The following ADRA1A variants were observed in gnomAD, a reference collection of about 807,000 sequenced individuals.
The protein encoded by ADRA1A is adrenoceptor alpha 1A.
In ADRA1A, 31 loss-of-function variants were observed where a neutral mutation model predicts 29.6. The ratio of observed to expected loss-of-function variants is 1.05; its 90% CI spans 0.79 to 1.41. The LOEUF (loss-of-function observed/expected upper bound fraction) is 1.41, where lower values mean the gene tolerates loss of function less well. Among genes scored for constraint, ADRA1A ranks in the 40% most tolerant of loss-of-function variants. ADRA1A has a pLI of 0.00. For synonymous variants in ADRA1A, 311 were observed against 254.3 expected (o/e 1.22, Z -2.12); for missense variants, 619 against 601.1 (o/e 1.03, Z -0.31).
At chr8:26,774,211 G>A (rs563740044) in intron 2 of ADRA1A, among the ~76,000 whole-genome samples, 1 of 152,266 alleles carries the variant, frequency 6.6e-6, no homozygotes, top group East Asian at 1.9e-4. Context: ...TTCCACCAGG[G>A]GCAGGTTGCA....
In ADRA1A at chr8:26,750,358, T is replaced by G. The variant is rs751759424; in HGVS notation, c.1270-1610A>C. Among the ~76,000 whole-genome samples the G allele has an allele frequency of 3.4e-4, 51 of 152,200 alleles. No homozygotes were observed. The Middle Eastern group carries it at 0.01, about 30-fold the overall frequency. On this transcript the variant is annotated intron_variant, in intron 2 of 2. Coordinates refer to the ADRA1A transcript ENST00000380586. ...CTGGGACTACAGACATGTGCCACCATGCCCAACTAATTTTTGTATTTTTAG... is the reference window on the plus strand; with the variant it reads ...CTGGGACTACAGACATGTGCCACCAGGCCCAACTAATTTTTGTATTTTTAG...
intron 2 of ADRA1A, among the ~76,000 whole-genome samples, chr8:26,847,697 C>T (rs1425581289): frequency 6.6e-6 from 1 of 152,200 alleles, no homozygotes; most frequent in Non-Finnish European, 1.5e-5. Flanking sequence ...AGTATAATGA[C>T]AGCTCATGTG....
downstream of ADRA1A, among the ~76,000 whole-genome samples, chr8:26,751,819 G>A (rs1804935872): frequency 6.6e-6 from 1 of 152,204 alleles, no homozygotes. Flanking sequence ...GTCCAATGAG[G>A]AAGCTTCTAT....
At chr8:26,812,617 T>A (rs974067647) in intron 2 of ADRA1A, among the ~76,000 whole-genome samples, 25 of 144,502 alleles carry the variant, frequency 1.7e-4, no homozygotes, top group Non-Finnish European at 3.3e-4. Context: ...AAAAAGGGAG[T>A]TGCCTTTTTA....
At chr8:26,834,685 G>A (rs915287899) in intron 2 of ADRA1A, among the ~76,000 whole-genome samples, 14 of 152,120 alleles carry the variant, frequency 9.2e-5, no homozygotes, top group Non-Finnish European at 1.5e-4. Context: ...CTTCACTTTG[G>A]ACCTGTATTC....
Position 26,768,950 on chromosome 8 carries a change from C to A in ADRA1A, c.*1199G>T. On this transcript the variant is annotated 3_prime_UTR_variant, in exon 3 of 3. Coordinates refer to ENST00000380573, the MANE Select transcript of ADRA1A (RefSeq NM_000680.4). ...TTTACCAGAACAAATGGCCTTCTAT[C>A]AAAAAATGTTTGCAAACTCCTGCGT... is the stretch of plus-strand genomic sequence containing the variant. The A allele has an allele frequency of 1.0e-6, 1 of 985,398 alleles. No homozygotes were observed. The highest frequency in any genetic ancestry group is 1.2e-6 in the Non-Finnish European group (1 of 829,916). The allele number at this position is 985,398 out of a possible 1,614,324, so 61.0% of individuals were successfully genotyped here. A position where few individuals can be genotyped will look rare whatever the true frequency, so the allele number is the denominator to read the frequency against.
At position 26,864,371 on chromosome 8, in the gene ADRA1A, A is replaced by C. The variant is rs2229125; in HGVS notation, c.599T>G (p.Ile200Ser). The stretch of plus-strand genomic sequence containing the variant: ...GTAGACGCGGCAGTACATGACCAGG[A>C]TGATGGCCAGAGGCAGGTAGAAGGA... ...LGSFYLPLAIILVMYCRVYVV... is the reference protein window; with the variant it reads ...LGSFYLPLAISLVMYCRVYVV... Residue 200 changes from isoleucine to serine, a missense_variant, in exon 2 of 3, where the codon ATC becomes AGC. Ile to Ser is a moderately radical substitution (Grantham distance 142). Transcript: ENST00000380573. This position sits in a 1 kb window ranked among gnomAD's most constrained non-coding sequence, Gnocchi z 8.1. 0.025 allele frequency: 39,740 copies of C among 1,613,918 alleles called. 563 individuals are homozygous for C. Among genetic ancestry groups the C allele is most frequent in the Admixed American group, 0.056 (3,365 of 60,000 alleles).
intron 2 of ADRA1A, among the ~76,000 whole-genome samples, chr8:26,800,956 T>C (rs1487153389): frequency 4.6e-5 from 7 of 152,190 alleles, no homozygotes; most frequent in African/African-American, 2.4e-5. Flanking sequence ...ATTCTAGGGA[T>C]GCAAGGATGG....
rs1425073525 is a variant in ADRA1A, at chr8:26,806,875, G to C, written c.884-36209C>G. Among the ~76,000 whole-genome samples, 3 of 152,192 alleles carry C rather than the reference G, an allele frequency of 2.0e-5. No homozygotes were observed. Among genetic ancestry groups the C allele is most frequent in the Non-Finnish European group, 4.4e-5 (3 of 68,036 alleles). On this transcript the variant is annotated intron_variant, in intron 2 of 2. Transcript: ENST00000380573. This position sits in a 1 kb window ranked among gnomAD's most constrained non-coding sequence, Gnocchi z 4.6. ...GGAGGGGGCTGGCATCTGTGATAAT[G>C]AGAGAAGATGCCTAGAGGGAGCTGG... is the stretch of plus-strand genomic sequence containing the variant.
chr8:26,756,431 A>C, exon 3 of ADRA1A: 1 of 1,387,100 alleles, frequency 7.2e-7, no homozygotes, highest in East Asian at 3.1e-5. Context: ...TTCTCAATTA[A>C]CTTTTAAGAA....
intron 2 of ADRA1A, among the ~76,000 whole-genome samples, chr8:26,850,940 G>A (rs1812586997): frequency 6.6e-6 from 1 of 152,176 alleles, no homozygotes; most frequent in South Asian, 2.1e-4. Flanking sequence ...CAGACAATAT[G>A]TCAATTACAG....
In ADRA1A at chr8:26,823,856, T is replaced by C. The variant is rs950699688; in HGVS notation, c.883+40231A>G. ...ATGGCTTGGTCAAAACCCCACAATA[T>C]AGTAAGACAGCGGCAGAATTGGAAA... On this transcript the variant is annotated intron_variant, in intron 2 of 2. Transcript: ENST00000380573. The surrounding 1 kb of genome is among the most constrained non-coding windows in gnomAD (Gnocchi z 4.2). Among the ~76,000 whole-genome samples the C allele has an allele frequency of 2.6e-5, 4 of 152,128 alleles. No individual in the cohort carries two copies. Among genetic ancestry groups the C allele is most frequent in the South Asian group, 2.1e-4 (1 of 4,826 alleles).
chr8:26,781,363 C>T (rs1806967089), intron 2 of ADRA1A, among the ~76,000 whole-genome samples: 3 of 152,232 alleles, frequency 2.0e-5, no homozygotes, highest in Admixed American at 2.0e-4. Flanking sequence ...CACCCTCCTT[C>T]TTATCCTTCA....
At chr8:26,850,918 A>G (rs1294957516) in intron 2 of ADRA1A, among the ~76,000 whole-genome samples, 2 of 152,230 alleles carry the variant, frequency 1.3e-5, no homozygotes, top group Non-Finnish European at 2.9e-5. Context: ...CCACTGTCGC[A>G]TGGAAGCACC....
chr8:26,856,957 C>T (rs1038949947), intron 2 of ADRA1A, among the ~76,000 whole-genome samples: 13 of 152,162 alleles, frequency 8.5e-5, no homozygotes, highest in African/African-American at 2.9e-4. Context: ...CTTGTGAGGT[C>T]GGTGATCTGC....
downstream of ADRA1A, among the ~76,000 whole-genome samples, chr8:26,755,783 G>A (rs576570266): frequency 3.3e-5 from 5 of 152,258 alleles, no homozygotes; most frequent in East Asian, 5.8e-4. Flanking sequence ...TGGACTTGGC[G>A]CTGGAGCACA....
chr8:26,829,291 A>C (rs1489200565), intron 2 of ADRA1A, among the ~76,000 whole-genome samples: 1 of 152,194 alleles, frequency 6.6e-6, no homozygotes, highest in Non-Finnish European at 1.5e-5. Context: ...AAAGCAAGGC[A>C]AATTCAAGTG....
At chr8:26,810,399 A>T (rs565042730) in intron 2 of ADRA1A, among the ~76,000 whole-genome samples, 26 of 152,188 alleles carry the variant, frequency 1.7e-4, no homozygotes, top group Non-Finnish European at 2.9e-4. Context: ...GGGGAGAGAG[A>T]TTGCATGTGT....
intron 2 of ADRA1A, among the ~76,000 whole-genome samples, chr8:26,849,168 C>T (rs1812432396): frequency 6.6e-6 from 1 of 152,168 alleles, no homozygotes; most frequent in South Asian, 2.1e-4. Context: ...TGGTTAGGAC[C>T]AGCCTGAATA....
Sources: allele counts gnomAD v4.1 joint callset (sites outside exome capture counted in the v4.1 genomes callset), GRCh38; gene constraint gnomAD v4.1.1; non-coding constraint Gnocchi (gnomAD v3.1); transcripts MANE v1.5; gene names NCBI Gene and HGNC (gene_info 2026-07-23, HGNC 2026-07-21).